Variants in NOL4L observed in about 807,000 individuals in gnomAD.
The protein encoded by NOL4L is nucleolar protein 4-like.
A neutral mutation model predicts 64.5 loss-of-function variants in NOL4L; 7 were observed. The ratio of observed to expected loss-of-function variants is 0.11; its 90% CI spans 0.06 to 0.20. The LOEUF (loss-of-function observed/expected upper bound fraction) is 0.20, where lower values mean the gene tolerates loss of function less well. Ranked by LOEUF, NOL4L falls within the 10% of genes least tolerant of loss-of-function variation. The probability of loss-of-function intolerance (pLI) is 1.00; values close to 1 mark genes in which losing one functional copy is unlikely to be tolerated. For synonymous variants in NOL4L, 413 were observed against 401.0 expected (o/e 1.03, Z -0.36); for missense variants, 680 against 967.1 (o/e 0.70, Z 3.94).
chr20:32,558,121 G>C (rs138119714), intron 1 of NOL4L, among the ~76,000 whole-genome samples: 227 of 152,322 alleles, frequency 1.5e-3, no homozygotes, highest in African/African-American at 5.4e-3. Context: ...ATAAAATCTA[G>C]ATTTCAAGTG....
chr20:32,447,784 A>T lies in NOL4L; in HGVS notation c.1855T>A (p.Ser619Thr). 1 of 1,575,216 alleles carries T rather than the reference A, an allele frequency of 6.3e-7. No homozygotes were observed. The change falls in exon 11 of 11, where the codon TCT becomes ACT. Residue 619 changes from serine to threonine, a missense_variant. Physicochemically the swap from Ser to Thr is moderately conservative, Grantham distance 58. Transcript: ENST00000621426. Reference sequence around the variant, plus strand: ...GGCGTGGGGGTGGTGGAGGTGGTAGAGGCCCCGCCTTTCATGCTGAGGTCC... The same window carrying T: ...GGCGTGGGGGTGGTGGAGGTGGTAGTGGCCCCGCCTTTCATGCTGAGGTCC... Reference protein sequence around the residue: ...PTDLSMKGGASTTSTTPTPTP... With the variant: ...PTDLSMKGGATTTSTTPTPTP...
Position 32,444,950 on chromosome 20 carries a change from A to C in NOL4L, c.*2646T>G, listed in dbSNP as rs2145412761. On this transcript the variant is annotated 3_prime_UTR_variant, in exon 11 of 11. Transcript: ENST00000621426. Reference sequence around the variant, plus strand: ...GGGTTGAAGCTGCATCTTTTAAAACAAAAGCAAAACAAGTTCCCTGACTGA... The same window carrying C: ...GGGTTGAAGCTGCATCTTTTAAAACCAAAGCAAAACAAGTTCCCTGACTGA... The C allele has an allele frequency of 1.2e-5, 1 of 80,816 alleles. No homozygotes were observed. The highest frequency in any genetic ancestry group is 0.01 in the East Asian group (1 of 98). 5.0% of individuals were successfully genotyped at this position (80,816 alleles called of 1,614,324 possible). A position where few individuals can be genotyped will look rare whatever the true frequency, so the allele number is the denominator to read the frequency against.
intron 4 of NOL4L, among the ~76,000 whole-genome samples, chr20:32,487,129 G>A (rs1373991426): frequency 1.3e-5 from 2 of 152,032 alleles, no homozygotes; most frequent in Non-Finnish European, 2.9e-5. Flanking sequence ...TTGGACGGGC[G>A]TGGTGGCACA....
In NOL4L at chr20:32,584,703, C is replaced by T. The variant is rs1285069742; in HGVS notation, c.188G>A (p.Gly63Asp). 7.8e-6 allele frequency: 12 copies of T among 1,548,336 alleles called. No individual in the cohort carries two copies. Among genetic ancestry groups the T allele is most frequent in the African/African-American group, 6.9e-5 (5 of 72,938 alleles). Residue 63 changes from glycine (G) to aspartate (D), a missense_variant, in exon 1 of 11, where the codon GGC becomes GAC. Transcript: ENST00000621426. Reference protein sequence around the residue: ...AEVLQGGGGTGAGSGPAAGEK... With the variant: ...AEVLQGGGGTDAGSGPAAGEK... ...GCCGGCTGCGGGGCCGCTGCCCGCGCCAGTCCCGCCGCCGCCCTGCAGGAC... is the reference window on the plus strand; with the variant it reads ...GCCGGCTGCGGGGCCGCTGCCCGCGTCAGTCCCGCCGCCGCCCTGCAGGAC...
intron 4 of NOL4L, among the ~76,000 whole-genome samples, chr20:32,482,493 C>T (rs952487324): frequency 4.6e-5 from 7 of 152,168 alleles, no homozygotes; most frequent in South Asian, 2.1e-4. Context: ...TGCACTCCCC[C>T]CTCCTCCCTA....
At chr20:32,535,885 C>T in intron 1 of NOL4L, 2 of 985,372 alleles carry the variant, frequency 2.0e-6, no homozygotes, top group Non-Finnish European at 1.2e-6. Flanking sequence ...GGAGTACTGT[C>T]CAGCATCCCC....
At chr20:32,450,803 T>G (rs1341661159) in intron 10 of NOL4L, among the ~76,000 whole-genome samples, 2 of 152,136 alleles carry the variant, frequency 1.3e-5, no homozygotes, top group Non-Finnish European at 2.9e-5. Context: ...CTTTTCTTCC[T>G]GGAATGAAAG....
At chr20:32,564,626 G>C (rs1174719554) in intron 1 of NOL4L, among the ~76,000 whole-genome samples, 1 of 152,250 alleles carries the variant, frequency 6.6e-6, no homozygotes, top group Non-Finnish European at 1.5e-5. Flanking sequence ...CGTATGTCCT[G>C]TGTGCTTCAG....
chr20:32,452,425 C>T lies in NOL4L; in HGVS notation c.1633G>A (p.Ala545Thr), dbSNP rs1232102599. ...TCCCGCGAGTGCTGCTTGTCCAGGG[C>T]TATGGGCTCATCCTGCAGAGGGGAG... ...IYQSSQDEPI[A>T]LDKQHSRDSA... Residue 545 changes from alanine (A) to threonine (T), a missense_variant, in exon 10 of 11, where the codon GCC becomes ACC. By Grantham distance (58) the Ala-to-Thr change is moderately conservative. Transcript: ENST00000621426. 1.9e-6 allele frequency: 3 copies of T among 1,600,562 alleles called. No individual in the cohort carries two copies. Among genetic ancestry groups the T allele is most frequent in the Admixed American group, 1.7e-5 (1 of 58,398 alleles).
At position 32,584,941 on chromosome 20, in the gene NOL4L, C is replaced by T. The variant is rs949200389; in HGVS notation, c.-51G>A. ...GGGGCGGGCCGGCCGCCGGGCCGCC[C>T]GGTGCCGGGACTGGGCTGGGCTGGG... is the stretch of plus-strand genomic sequence containing the variant. On this transcript the variant is annotated 5_prime_UTR_variant, in exon 1 of 11. Coordinates refer to ENST00000621426, the MANE Select transcript of NOL4L (RefSeq NM_001256798.2). 6.4e-5 allele frequency: 68 copies of T among 1,058,338 alleles called. No individual in the cohort carries two copies. Among genetic ancestry groups the T allele is most frequent in the Admixed American group, 2.1e-4 (4 of 18,926 alleles). The allele number at this position is 1,058,338 out of a possible 1,614,324, so 65.6% of individuals were successfully genotyped here. A position where few individuals can be genotyped will look rare whatever the true frequency, so the allele number is the denominator to read the frequency against.
intron 5 of NOL4L, among the ~76,000 whole-genome samples, chr20:32,457,319 C>T (rs1363481509): frequency 6.6e-6 from 1 of 152,228 alleles, no homozygotes; most frequent in East Asian, 1.9e-4. Flanking sequence ...CCCGGGGTCA[C>T]TGTCAGGTGA....
intron 1 of NOL4L, among the ~76,000 whole-genome samples, chr20:32,570,125 G>A (rs1255414062): frequency 6.6e-6 from 1 of 152,066 alleles, no homozygotes; most frequent in Admixed American, 6.6e-5. Context: ...GCCAAGGGAG[G>A]TTAATTAATT....
chr20:32,453,060 TG>T lies in NOL4L; in HGVS notation c.1498-55del. 1 of 1,605,116 alleles carries T rather than the reference TG, an allele frequency of 6.2e-7. No homozygotes were observed. Among genetic ancestry groups the T allele is most frequent in the Non-Finnish European group, 8.5e-7 (1 of 1,178,386 alleles). On this transcript the variant is annotated intron_variant, in intron 8 of 10. Transcript: ENST00000621426. This position sits in a 1 kb window ranked among gnomAD's most constrained non-coding sequence, Gnocchi z 5.6. Reference sequence around the variant, plus strand: ...ATGGGGCCCGTGGGGGCCCTGGGCTTGTGCAGAGACCCTGCCCCAGGGGTGG... The same window carrying T: ...ATGGGGCCCGTGGGGGCCCTGGGCTTTGCAGAGACCCTGCCCCAGGGGTGG...
intron 1 of NOL4L, among the ~76,000 whole-genome samples, chr20:32,550,299 T>C (rs1345169546): frequency 6.6e-6 from 1 of 152,178 alleles, no homozygotes; most frequent in African/African-American, 2.4e-5. Flanking sequence ...CAGGCTGGAG[T>C]GCAATGGTGC....
intron 4 of NOL4L, among the ~76,000 whole-genome samples, chr20:32,475,682 C>A (rs138379601): frequency 6.6e-6 from 1 of 152,252 alleles, no homozygotes; most frequent in Non-Finnish European, 1.5e-5. Context: ...CTCCCACACC[C>A]GGAGTTCTGG....
At chr20:32,583,532 A>G (rs1479943601) in intron 1 of NOL4L, among the ~76,000 whole-genome samples, 1 of 133,148 alleles carries the variant, frequency 7.5e-6, no homozygotes, top group African/African-American at 2.8e-5. Flanking sequence ...CCGGGGAGGG[A>G]GCAAGGAGGG....
chr20:32,545,976 T>A (rs1376229822), intron 1 of NOL4L, among the ~76,000 whole-genome samples: 2 of 148,258 alleles, frequency 1.3e-5, no homozygotes, highest in Non-Finnish European at 1.5e-5. Context: ...GGAGACAGAG[T>A]CTTGCTCTGT....
chr20:32,491,527 G>A (rs1198357305), intron 4 of NOL4L, among the ~76,000 whole-genome samples: 1 of 152,218 alleles, frequency 6.6e-6, no homozygotes. Flanking sequence ...GGCTGGGACA[G>A]GTTCTTAGAA....
chr20:32,492,147 G>A (rs2016492854), intron 4 of NOL4L, among the ~76,000 whole-genome samples: 1 of 147,560 alleles, frequency 6.8e-6, no homozygotes, highest in Non-Finnish European at 1.5e-5. Flanking sequence ...TAGCAGACTG[G>A]TAGGCTGGTC....
Sources: allele counts gnomAD v4.1 joint callset (sites outside exome capture counted in the v4.1 genomes callset), GRCh38; gene constraint gnomAD v4.1.1; non-coding constraint Gnocchi (gnomAD v3.1); transcripts MANE v1.5; gene names NCBI Gene and HGNC (gene_info 2026-07-23, HGNC 2026-07-21).